Variants in MLLT10 observed in about 807,000 individuals in gnomAD.
The protein encoded by MLLT10 is MLLT10 histone lysine methyltransferase DOT1L cofactor.
Under a neutral mutation model 129.1 loss-of-function variants are expected in MLLT10, and 30 were observed. The observed-to-expected ratio is 0.23, with a 90% CI of 0.17 to 0.32. The LOEUF (loss-of-function observed/expected upper bound fraction) is 0.32. Among genes scored for constraint, MLLT10 ranks in the 10% least tolerant of loss-of-function variants. The pLI, the probability that MLLT10 is intolerant of heterozygous loss-of-function variation, is 1.00. For missense variants in MLLT10, 1,119 were observed against 1,268.3 expected (o/e 0.88, Z 1.79); for synonymous variants, 490 against 446.4 (o/e 1.10, Z -1.23).
chr10:21,557,997 T>C (rs1210955302), intron 3 of MLLT10, among the ~76,000 whole-genome samples: 5 of 146,862 alleles, frequency 3.4e-5, no homozygotes, highest in African/African-American at 1.3e-4. Context: ...TTGCCCAGGC[T>C]GGAGTACAGT....
At chr10:21,740,280 A>G (rs369738928) in intron 22 of MLLT10, 44 bp downstream of exon 22, 4 of 1,580,730 alleles carry the variant, frequency 2.5e-6, no homozygotes, top group Non-Finnish European at 3.5e-6. Flanking sequence ...CAAGAACTGT[A>G]TTGATTAATC....
chr10:21,651,601 T>C (rs1702444320), intron 8 of MLLT10, 72 bp from the exon 9 acceptor site: 1 of 974,320 alleles, frequency 1.0e-6, no homozygotes, highest in Non-Finnish European at 1.6e-6. Context: ...TTACTAGTTA[T>C]AAAAAAATCT....
intron 8 of MLLT10, among the ~76,000 whole-genome samples, chr10:21,637,350 A>T (rs1300565248): frequency 6.6e-6 from 1 of 152,126 alleles, no homozygotes; most frequent in Non-Finnish European, 1.5e-5. Context: ...AGTGTCATAG[A>T]GCCCCTGTTA....
At chr10:21,571,631 T>C (rs1193851212) in intron 3 of MLLT10, among the ~76,000 whole-genome samples, 2 of 152,250 alleles carry the variant, frequency 1.3e-5, no homozygotes, top group Non-Finnish European at 2.9e-5. Context: ...TGGTCCCCTT[T>C]ATTCACTCCA....
intron 3 of MLLT10, among the ~76,000 whole-genome samples, chr10:21,558,756 C>T (rs766364417): frequency 1.1e-4 from 17 of 152,132 alleles, no homozygotes; most frequent in Non-Finnish European, 2.5e-4. Context: ...CTATTCCTCT[C>T]AGTTCCACAG....
chr10:21,712,354 C>T (rs1241520357), intron 13 of MLLT10, among the ~76,000 whole-genome samples: 1 of 152,170 alleles, frequency 6.6e-6, no homozygotes, highest in African/African-American at 2.4e-5. Context: ...GCTGGGACTA[C>T]AGGCATGTGC....
chr10:21,654,842 A>T (rs1261177185), intron 9 of MLLT10, among the ~76,000 whole-genome samples: 1 of 152,122 alleles, frequency 6.6e-6, no homozygotes, highest in African/African-American at 2.4e-5. Flanking sequence ...TAGATGAGGG[A>T]TAGTATATAC....
At chr10:21,642,893 C>G (rs2048153333) in intron 8 of MLLT10, among the ~76,000 whole-genome samples, 1 of 152,056 alleles carries the variant, frequency 6.6e-6, no homozygotes, top group South Asian at 2.1e-4. Flanking sequence ...ATGTTTATGT[C>G]TAGTCACTAT....
chr10:21,667,999 C>A (rs1052815477), intron 9 of MLLT10, among the ~76,000 whole-genome samples: 5 of 152,152 alleles, frequency 3.3e-5, no homozygotes, highest in African/African-American at 1.2e-4. Context: ...CAATGTAGAA[C>A]AAAGTATGCA....
chr10:21,625,055 G>C, intron 8 of MLLT10: 1 of 868,952 alleles, frequency 1.2e-6, no homozygotes, highest in Non-Finnish European at 1.9e-6. Flanking sequence ...TGATAGATGT[G>C]GTAATCATAA....
rs1416613789 is a variant in MLLT10 at position 21,673,910 on chromosome 10, G to T, written c.1612G>T (p.Val538Phe). ...GAGCCTCAGTGTTGGCTCATCTCCA[G>T]TTGGTTCAGGTAGGGGTTTGCCTAT... ...LQSLSVGSSP[V>F]GSEISMQYRH... The change falls in exon 11 of 23, where the codon GTT becomes TTT. Residue 538 changes from valine (V) to phenylalanine (F), a missense_variant. Val to Phe is a conservative substitution (Grantham distance 50, BLOSUM62 -1). Transcript: ENST00000307729. The T allele has an allele frequency of 6.3e-7, 1 of 1,593,166 alleles. No individual in the cohort carries two copies. Among genetic ancestry groups the T allele is most frequent in the African/African-American group, 1.4e-5 (1 of 73,856 alleles).
intron 13 of MLLT10, among the ~76,000 whole-genome samples, chr10:21,706,816 C>T (rs913073724): frequency 6.6e-6 from 1 of 152,174 alleles, no homozygotes; most frequent in Non-Finnish European, 1.5e-5. Flanking sequence ...TCTACTCATA[C>T]TGTATTCTTC....
intron 4 of MLLT10, among the ~76,000 whole-genome samples, chr10:21,587,298 C>T (rs2042078424): frequency 1.3e-5 from 2 of 151,486 alleles, no homozygotes; most frequent in South Asian, 2.1e-4. Context: ...CACGTGCCTG[C>T]AGTTCCAGCT....
chr10:21,623,181 A>G (rs1467544384), intron 8 of MLLT10, among the ~76,000 whole-genome samples: 1 of 152,192 alleles, frequency 6.6e-6, no homozygotes, highest in Non-Finnish European at 1.5e-5. Context: ...CCCATTATGT[A>G]GGCACAATTT....
At chr10:21,640,544 T>C (rs1452911816) in intron 8 of MLLT10, among the ~76,000 whole-genome samples, 5 of 151,986 alleles carry the variant, frequency 3.3e-5, no homozygotes, top group Admixed American at 2.6e-4. Flanking sequence ...CCAGTTCCCA[T>C]AGGGCACTGC....
At chr10:21,610,761 T>A (rs1000634576) in intron 5 of MLLT10, among the ~76,000 whole-genome samples, 1 of 151,850 alleles carries the variant, frequency 6.6e-6, no homozygotes, top group Non-Finnish European at 1.5e-5. Context: ...AATTTTGCCA[T>A]ATAGAGTGTT....
intron 5 of MLLT10, among the ~76,000 whole-genome samples, chr10:21,606,920 A>G (rs1490036057): frequency 6.6e-6 from 1 of 152,236 alleles, no homozygotes; most frequent in Non-Finnish European, 1.5e-5. Context: ...AGCACATACT[A>G]CAGAGCAATG....
At chr10:21,580,867 CATTT>C (rs1197380131) in intron 3 of MLLT10, among the ~76,000 whole-genome samples, 1 of 85,508 alleles carries the variant, frequency 1.2e-5, no homozygotes, top group African/African-American at 4.7e-5. Context: ...ACGCCCAGCT[CATTT>C]TTTTTTTTTT....
At chr10:21,541,379 C>T (rs971724205) in intron 3 of MLLT10, 4 of 151,850 alleles carry the variant, frequency 2.6e-5, no homozygotes, top group African/African-American at 9.7e-5. Flanking sequence ...GCACTTAACA[C>T]CCAGCTAATT....
Sources: gnomAD v4.1 joint callset for allele counts (sites outside exome capture counted in the v4.1 genomes callset) on GRCh38, gnomAD v4.1.1 for gene constraint, MANE v1.5 for transcripts, NCBI Gene and HGNC (gene_info 2026-07-23, HGNC 2026-07-21) for gene names.